Variants in EIF4E observed in about 807,000 individuals in gnomAD.
EIF4E encodes the protein eukaryotic translation initiation factor 4E, also known as eIF-4F 25 kDa subunit.
For missense variants in EIF4E, 113 were observed against 265.6 expected (o/e 0.43, Z 3.99); for synonymous variants, 71 against 88.5 (o/e 0.80, Z 1.11).
At chr4:98,895,819 G>A (rs1158448105) in intron 2 of EIF4E, among the ~76,000 whole-genome samples, 1 of 152,196 alleles carries the variant, frequency 6.6e-6, no homozygotes, top group Non-Finnish European at 1.5e-5. Flanking sequence ...AGGAGGCTGA[G>A]GCAGGAGGAT....
chr4:98,908,878 T>A (rs1021601736), intron 1 of EIF4E, among the ~76,000 whole-genome samples: 1 of 152,220 alleles, frequency 6.6e-6, no homozygotes, highest in South Asian at 2.1e-4. Context: ...GGTTTACGGC[T>A]AAGAACACCA....
chr4:98,886,699 G>C (rs1723935591), intron 5 of EIF4E: 1 of 342,688 alleles, frequency 2.9e-6, no homozygotes, highest in Admixed American at 4.1e-5. Context: ...CTGGGCAACA[G>C]AGCAAGACCC....
chr4:98,927,084 C>T (rs1285704001), intron 1 of EIF4E, among the ~76,000 whole-genome samples: 1 of 152,114 alleles, frequency 6.6e-6, no homozygotes, highest in Non-Finnish European at 1.5e-5. Flanking sequence ...GACATCAGAA[C>T]CTGTCAAGGG....
At chr4:98,896,747 G>A (rs1439272302) in intron 2 of EIF4E, among the ~76,000 whole-genome samples, 1 of 151,074 alleles carries the variant, frequency 6.6e-6, no homozygotes, top group East Asian at 1.9e-4. Flanking sequence ...CGAGGCCGAG[G>A]TGGATGAATT....
At chr4:98,920,963 T>A (rs1468185703) in intron 1 of EIF4E, among the ~76,000 whole-genome samples, 1 of 152,188 alleles carries the variant, frequency 6.6e-6, no homozygotes, top group African/African-American at 2.4e-5. Context: ...AAGATAGTAA[T>A]AAAGCTTGAC....
chr4:98,880,024 A>G lies in EIF4E; in HGVS notation c.*1004T>C, dbSNP rs1342750512. 6.6e-6 allele frequency: 1 copy of G among 152,614 alleles called. No homozygotes were observed. The highest frequency in any genetic ancestry group is 1.5e-5 in the Non-Finnish European group (1 of 68,010). The allele number at this position is 152,614 out of a possible 1,614,324, so 9.5% of individuals were successfully genotyped here. On this transcript the variant is annotated 3_prime_UTR_variant, in exon 7 of 7. Transcript: ENST00000450253. The stretch of plus-strand genomic sequence containing the variant: ...GCAATAAGAAGTACAAATTCCTTCT[A>G]TAAAGATGGAGAAATAAAAGGACAA...
At chr4:98,919,215 G>A (rs1272485541) in intron 1 of EIF4E, among the ~76,000 whole-genome samples, 1 of 151,846 alleles carries the variant, frequency 6.6e-6, no homozygotes, top group African/African-American at 2.4e-5. Flanking sequence ...GCTGAGGCAG[G>A]AGTCACCTGA....
chr4:98,902,108 GC>G, intron 1 of EIF4E, 126 bp from the exon 2 acceptor site: 1 of 797,764 alleles, frequency 1.3e-6, no homozygotes, highest in Non-Finnish European at 2.0e-6. Flanking sequence ...TCTCTCTGTT[GC>G]CCAGGCTGGA....
chr4:98,887,403 A>G lies in EIF4E; in HGVS notation c.286-211T>C, dbSNP rs1463595175. On this transcript the variant is annotated intron_variant, in intron 4 of 6. Coordinates refer to ENST00000450253, the MANE Select transcript of EIF4E (RefSeq NM_001968.5). The surrounding 1 kb of genome is among the most constrained non-coding windows in gnomAD (Gnocchi z 4.0). ...GTCCTGGCTTTGTCACTTATTAGCT[A>G]TCAAATCTTGGGTTTCACTTAATTT... 1.3e-5 allele frequency among the ~76,000 whole-genome samples: 2 copies of G among 152,234 alleles called. No homozygotes were observed. The highest frequency in any genetic ancestry group is 2.9e-5 in the Non-Finnish European group (2 of 68,042).
At chr4:98,918,917 G>A (rs1725524168) in intron 1 of EIF4E, among the ~76,000 whole-genome samples, 1 of 152,198 alleles carries the variant, frequency 6.6e-6, no homozygotes, top group South Asian at 2.1e-4. Context: ...TAGGTCATCT[G>A]CCTGGATAGG....
At chr4:98,909,442 G>A (rs1010873393) in intron 1 of EIF4E, 7 of 482,538 alleles carry the variant, frequency 1.5e-5, no homozygotes, top group African/African-American at 8.1e-5. Flanking sequence ...AAAGAATCAC[G>A]TTCTCACACT....
In EIF4E at chr4:98,887,152, C is replaced by A. The variant is rs758100407; in HGVS notation, c.326G>T (p.Arg109Leu). The stretch of plus-strand genomic sequence containing the variant: ...CAATGTAATTAGCCATCGTCCTCCC[C>A]GTTTGTTTTTCTCATCTTCCCACAT... Reference protein sequence around the residue: ...EPMWEDEKNKRGGRWLITLNK... With the variant: ...EPMWEDEKNKLGGRWLITLNK... Residue 109 changes from arginine (R) to leucine (L), a missense_variant, in exon 5 of 7, where the codon CGG becomes CTG. Arg to Leu is a moderately radical substitution (Grantham distance 102). Transcript: ENST00000450253. This position sits in a 1 kb window ranked among gnomAD's most constrained non-coding sequence, Gnocchi z 4.0. 8.7e-6 allele frequency: 14 copies of A among 1,613,914 alleles called. No individual in the cohort carries two copies. Among genetic ancestry groups the A allele is most frequent in the Non-Finnish European group, 1.2e-5 (14 of 1,179,926 alleles).
At chr4:98,911,744 A>C (rs1040183009) in intron 1 of EIF4E, among the ~76,000 whole-genome samples, 1 of 151,336 alleles carries the variant, frequency 6.6e-6, no homozygotes, top group Non-Finnish European at 1.5e-5. Context: ...GAACATTCTT[A>C]AGGGAGCACT....
chr4:98,919,829 G>A (rs1244171232), intron 1 of EIF4E, among the ~76,000 whole-genome samples: 5 of 152,110 alleles, frequency 3.3e-5, no homozygotes, highest in Non-Finnish European at 7.4e-5. Flanking sequence ...CAAGTGCTGG[G>A]ATTACAGGCG....
chr4:98,917,133 C>CAAA (rs756226013), intron 1 of EIF4E, among the ~76,000 whole-genome samples: 1 of 55,244 alleles, frequency 1.8e-5, no homozygotes, highest in Admixed American at 1.5e-4. Context: ...CACACACACA[C>CAAA]AAAAAAAACC....
chr4:98,884,038 CAA>C (rs11438126), intron 6 of EIF4E, among the ~76,000 whole-genome samples: 14 of 102,882 alleles, frequency 1.4e-4, no homozygotes, highest in Non-Finnish European at 1.6e-4. Context: ...GACCCTGTCT[CAA>C]AAAAAAAAAA....
rs1005599012 is a variant in EIF4E at position 98,929,080 on chromosome 4, A to G, written c.18+15T>C. 2.5e-6 allele frequency: 4 copies of G among 1,582,862 alleles called. No homozygotes were observed. Among genetic ancestry groups the G allele is most frequent in the African/African-American group, 2.7e-5 (2 of 74,230 alleles). On this transcript the variant is annotated intron_variant, in intron 1 of 6. Coordinates refer to ENST00000450253, the MANE Select transcript of EIF4E (RefSeq NM_001968.5). ...GCGGGGACCCGTGGGGGTGGGGGCC[A>G]AAGGCAATACTCACCGGTTCGACAG... is the stretch of plus-strand genomic sequence containing the variant.
chr4:98,899,945 T>C (rs72893558), intron 2 of EIF4E, among the ~76,000 whole-genome samples: 2,753 of 151,970 alleles, frequency 0.018, 76 homozygotes, highest in African/African-American at 0.062. Context: ...AAAAGTAGAA[T>C]TTATAGAGAA....
chr4:98,903,332 T>G (rs1724727131), intron 1 of EIF4E: 2 of 418,630 alleles, frequency 4.8e-6, no homozygotes, highest in Non-Finnish European at 9.2e-6. Context: ...AGCAGAAAGG[T>G]GGTAAATATT....
Sources: allele counts gnomAD v4.1 joint callset (sites outside exome capture counted in the v4.1 genomes callset), GRCh38; gene constraint gnomAD v4.1.1; non-coding constraint Gnocchi (gnomAD v3.1); transcripts MANE v1.5; gene names NCBI Gene and HGNC (gene_info 2026-07-23, HGNC 2026-07-21).